Variants in MACROD2 observed in about 807,000 individuals in gnomAD.
The protein encoded by MACROD2 is mono-ADP ribosylhydrolase 2.
A neutral mutation model predicts 70.4 loss-of-function variants in MACROD2; 36 were observed. That is an observed-to-expected ratio of 0.51 (90% CI 0.39 to 0.68). The LOEUF (loss-of-function observed/expected upper bound fraction) is 0.68. MACROD2 is among the 30% of genes least tolerant of loss of function. MACROD2 has a pLI of 0.00. For missense variants in MACROD2, 496 were observed against 538.4 expected (o/e 0.92, Z 0.78); for synonymous variants, 172 against 178.8 (o/e 0.96, Z 0.30).
At position 14,950,724 on chromosome 20, in the gene MACROD2, C is replaced by T. The variant is rs2074468864; in HGVS notation, c.418+265765C>T. Among the ~76,000 whole-genome samples the T allele has an allele frequency of 3.9e-5, 6 of 152,114 alleles. No homozygotes were observed. The South Asian group carries it at 1.2e-3, about 32-fold the overall frequency. ...TCTCCATTGAAGAGAATACATGAAACTTTGGGAGAGTAGGCCTCTGACATT... is the reference window on the plus strand; with the variant it reads ...TCTCCATTGAAGAGAATACATGAAATTTTGGGAGAGTAGGCCTCTGACATT... On this transcript the variant is annotated intron_variant, in intron 5 of 17. Transcript: ENST00000684519.
At chr20:14,725,266 A>C (rs2071515307) in intron 5 of MACROD2, among the ~76,000 whole-genome samples, 1 of 152,140 alleles carries the variant, frequency 6.6e-6, no homozygotes, top group Non-Finnish European at 1.5e-5. Flanking sequence ...GAAAATGTGA[A>C]TCTGGAGTTA....
chr20:14,311,886 A>T (rs2122520423), intron 3 of MACROD2, among the ~76,000 whole-genome samples: 1 of 152,188 alleles, frequency 6.6e-6, no homozygotes, highest in East Asian at 1.9e-4. Flanking sequence ...AATTATTTCA[A>T]TTTTTAAGAG....
chr20:15,773,678 G>A (rs2051674183), intron 8 of MACROD2, among the ~76,000 whole-genome samples: 1 of 152,072 alleles, frequency 6.6e-6, no homozygotes, highest in Non-Finnish European at 1.5e-5. Flanking sequence ...TTCAAGCAGT[G>A]TTTATAGTTT....
intron 3 of MACROD2, among the ~76,000 whole-genome samples, chr20:14,248,758 A>G (rs2081987244): frequency 2.6e-5 from 4 of 152,112 alleles, no homozygotes; most frequent in African/African-American, 9.7e-5. Context: ...CCAAATCTGA[A>G]ACACTTTTGG....
At chr20:15,008,020 G>A (rs1381138889) in intron 5 of MACROD2, among the ~76,000 whole-genome samples, 1 of 152,216 alleles carries the variant, frequency 6.6e-6, no homozygotes, top group East Asian at 1.9e-4. Flanking sequence ...GTGTGGGATT[G>A]AAGCTGAGTA....
intron 3 of MACROD2, among the ~76,000 whole-genome samples, chr20:14,270,587 C>CA (rs11480264): frequency 0.61 from 76,146 of 124,568 alleles, 23,288 homozygotes; most frequent in Non-Finnish European, 0.72. Context: ...GACTCCATCT[C>CA]AAAAAAAAAA....
At chr20:15,661,453 C>T (rs1385126858) in intron 8 of MACROD2, among the ~76,000 whole-genome samples, 1 of 152,094 alleles carries the variant, frequency 6.6e-6, no homozygotes, top group Non-Finnish European at 1.5e-5. Context: ...AACCCACTCT[C>T]AAGGGAATGA....
intron 8 of MACROD2, among the ~76,000 whole-genome samples, chr20:15,764,241 A>C (rs1054450291): frequency 2.6e-5 from 4 of 152,126 alleles, no homozygotes; most frequent in African/African-American, 4.8e-5. Flanking sequence ...TATGTCTTCT[A>C]TTTTATATTA....
chr20:15,577,370 T>C (rs2048463223), intron 8 of MACROD2, among the ~76,000 whole-genome samples: 2 of 152,114 alleles, frequency 1.3e-5, no homozygotes, highest in Admixed American at 6.5e-5. Context: ...CAAGACATCG[T>C]ATGATTTCAT....
chr20:15,973,862 A>T (rs1245020457), intron 13 of MACROD2, among the ~76,000 whole-genome samples: 1 of 152,212 alleles, frequency 6.6e-6, no homozygotes, highest in East Asian at 1.9e-4. Context: ...TTTGATATTG[A>T]TAACAATTTA....
chr20:15,921,488 C>T (rs1295191475), intron 10 of MACROD2, among the ~76,000 whole-genome samples: 1 of 152,304 alleles, frequency 6.6e-6, no homozygotes, highest in South Asian at 2.1e-4. Flanking sequence ...CCACCTGGAG[C>T]GATCATCCCT....
At chr20:14,479,814 T>C (rs1172077432) in intron 3 of MACROD2, among the ~76,000 whole-genome samples, 1 of 152,210 alleles carries the variant, frequency 6.6e-6, no homozygotes, top group South Asian at 2.1e-4. Context: ...ATGATTCTGA[T>C]GTTTAAATAT....
intron 6 of MACROD2, among the ~76,000 whole-genome samples, chr20:15,378,779 C>G (rs1312302032): frequency 6.6e-6 from 1 of 151,980 alleles, no homozygotes; most frequent in Non-Finnish European, 1.5e-5. Flanking sequence ...ATAGTAAAAA[C>G]ATAAGAATTT....
intron 5 of MACROD2, among the ~76,000 whole-genome samples, chr20:15,038,798 A>G (rs1304156604): frequency 6.6e-6 from 1 of 152,214 alleles, no homozygotes; most frequent in Non-Finnish European, 1.5e-5. Context: ...CAAGAGATGT[A>G]TTGATGCTAT....
intron 8 of MACROD2, among the ~76,000 whole-genome samples, chr20:15,772,122 A>G (rs1395893518): frequency 1.4e-5 from 2 of 140,968 alleles, no homozygotes; most frequent in Non-Finnish European, 3.1e-5. Flanking sequence ...ATATATATAT[A>G]TATATATTTC....
At position 14,327,594 on chromosome 20, in the gene MACROD2, T is replaced by C. The variant is rs1322989515; in HGVS notation, c.272-165885T>C. The C allele has an allele frequency of 2.2e-6, 3 of 1,380,972 alleles. No individual in the cohort carries two copies. The African/African-American group carries it at 4.4e-5, about 20-fold the overall frequency. 85.5% of individuals were successfully genotyped at this position (1,380,972 alleles called of 1,614,324 possible). A position where few individuals can be genotyped will look rare whatever the true frequency, so the allele number is the denominator to read the frequency against. ...GTGAGTAAAAAAAGACAGAAAACAA[T>C]AAGGCCAGCATACTGAATATAATGT... is the stretch of plus-strand genomic sequence containing the variant. On this transcript the variant is annotated intron_variant, in intron 3 of 17. Coordinates refer to ENST00000684519, the MANE Select transcript of MACROD2 (RefSeq NM_001351661.2).
At chr20:14,561,791 A>G (rs896167479) in intron 4 of MACROD2, among the ~76,000 whole-genome samples, 2 of 151,872 alleles carry the variant, frequency 1.3e-5, no homozygotes, top group Admixed American at 6.6e-5. Context: ...TTGAAGCATA[A>G]TCTCTAGTGC....
chr20:14,476,594 T>A (rs1447743512), intron 3 of MACROD2, among the ~76,000 whole-genome samples: 2 of 152,150 alleles, frequency 1.3e-5, no homozygotes, highest in Non-Finnish European at 2.9e-5. Flanking sequence ...TGGCCTCAAG[T>A]GATCCGCCCA....
chr20:14,011,480 A>C (rs974845867), intron 2 of MACROD2, among the ~76,000 whole-genome samples: 2 of 151,176 alleles, frequency 1.3e-5, no homozygotes, highest in Admixed American at 6.6e-5. Context: ...AGAATAGAGC[A>C]CTTTTGTCTG....
Sources: gnomAD v4.1 joint callset for allele counts (sites outside exome capture counted in the v4.1 genomes callset) on GRCh38, gnomAD v4.1.1 for gene constraint, MANE v1.5 for transcripts, NCBI Gene and HGNC (gene_info 2026-07-23, HGNC 2026-07-21) for gene names.